The following CDH11 variants were observed in gnomAD, a reference collection of about 807,000 sequenced individuals.
The protein encoded by CDH11 is cadherin 11, also known as cadherin-11.
CDH11 carries 11 observed loss-of-function variants against 67.8 expected under a neutral mutation model. The ratio of observed to expected loss-of-function variants is 0.16; its 90% confidence interval spans 0.10 to 0.27. CDH11 has a LOEUF of 0.27. CDH11 is among the 10% of genes least tolerant of loss of function. The probability of loss-of-function intolerance (pLI) is 1.00; values close to 1 mark genes in which losing one functional copy is unlikely to be tolerated. For synonymous variants in CDH11, 419 were observed against 400.0 expected (o/e 1.05, Z -0.57); for missense variants, 847 against 1,031.2 (o/e 0.82, Z 2.45).
intron 2 of CDH11, among the ~76,000 whole-genome samples, chr16:65,032,190 G>T (rs975912827): frequency 2.0e-5 from 3 of 151,850 alleles, no homozygotes; most frequent in African/African-American, 7.3e-5. Context: ...TCCTAAACTG[G>T]CAAACAAAAG....
At chr16:65,103,029 C>G (rs2075018098) in intron 1 of CDH11, among the ~76,000 whole-genome samples, 2 of 152,212 alleles carry the variant, frequency 1.3e-5, no homozygotes, top group African/African-American at 4.8e-5. Context: ...TCTTGTCACT[C>G]TCCACCCAGT....
intron 2 of CDH11, among the ~76,000 whole-genome samples, chr16:65,033,769 G>A (rs372575804): frequency 3.9e-5 from 1 of 25,762 alleles, no homozygotes; most frequent in Non-Finnish European, 1.1e-4. Context: ...AAATAAAATA[G>A]TTTAGCACCA....
intron 1 of CDH11, among the ~76,000 whole-genome samples, chr16:65,074,602 T>C (rs1220740345): frequency 1.3e-5 from 2 of 152,186 alleles, no homozygotes; most frequent in African/African-American, 2.4e-5. Context: ...CAAGTTCCTA[T>C]GGATGTACCC....
intron 11 of CDH11, 45 bp downstream of exon 11, chr16:64,971,534 T>G (rs1250874862): frequency 8.8e-7 from 1 of 1,141,462 alleles, no homozygotes; most frequent in Non-Finnish European, 1.3e-6. Flanking sequence ...CGCCATTTGT[T>G]TTCCAGTTCT....
At chr16:65,120,912 A>AG (rs938787397) in intron 1 of CDH11, among the ~76,000 whole-genome samples, 4 of 151,916 alleles carry the variant, frequency 2.6e-5, no homozygotes, top group African/African-American at 7.3e-5. Context: ...TGGGTTGGGG[A>AG]GGGGGGAGAA....
intron 11 of CDH11, among the ~76,000 whole-genome samples, chr16:64,963,760 A>C (rs1325617839): frequency 1.3e-5 from 2 of 152,218 alleles, no homozygotes; most frequent in African/African-American, 4.8e-5. Flanking sequence ...AATTACATCC[A>C]CCTTCTCAGA....
intron 1 of CDH11, among the ~76,000 whole-genome samples, chr16:65,076,604 G>A (rs1012754307): frequency 1.3e-5 from 2 of 152,008 alleles, no homozygotes; most frequent in Admixed American, 6.5e-5. Flanking sequence ...AGGTATACAC[G>A]TGCCATGGTG....
intron 1 of CDH11, among the ~76,000 whole-genome samples, chr16:65,063,221 C>T (rs1269361176): frequency 1.3e-5 from 2 of 152,050 alleles, no homozygotes; most frequent in Non-Finnish European, 2.9e-5. Flanking sequence ...TGTGACTGCA[C>T]ACACACACAC....
intron 2 of CDH11, among the ~76,000 whole-genome samples, chr16:65,028,433 C>G (rs1287788684): frequency 2.0e-5 from 2 of 99,084 alleles, no homozygotes; most frequent in Non-Finnish European, 4.5e-5. Flanking sequence ...TGACACAGAT[C>G]AAGGACCTTG....
chr16:64,993,122 C>T, intron 4 of CDH11, 88 bp from the exon 5 acceptor site: 1 of 1,088,398 alleles, frequency 9.2e-7, no homozygotes, highest in Non-Finnish European at 1.4e-6. Flanking sequence ...AAAATTAACC[C>T]TGAAGAAGGC....
intron 2 of CDH11, among the ~76,000 whole-genome samples, chr16:65,019,090 C>G (rs1401851101): frequency 6.6e-6 from 1 of 151,982 alleles, no homozygotes; most frequent in East Asian, 1.9e-4. Flanking sequence ...CAAATAAAAC[C>G]CAAAGAAAGC....
In CDH11 at chr16:64,946,122, C is replaced by A. The variant is rs770226686; in HGVS notation, c.*1481G>T. On this transcript the variant is annotated 3_prime_UTR_variant, in exon 13 of 13. Transcript: ENST00000268603. ...GGTCCCTGCCCTCATTCTGAGCTTA[C>A]GGCCCCAAGCATATTCTAAACAAAG... 4.7e-5 allele frequency: 50 copies of A among 1,055,466 alleles called. No homozygotes were observed. The highest frequency in any genetic ancestry group is 4.2e-4 in the Middle Eastern group (1 of 2,378). The allele number at this position is 1,055,466 out of a possible 1,614,324, so 65.4% of individuals were successfully genotyped here. A position where few individuals can be genotyped will look rare whatever the true frequency, so the allele number is the denominator to read the frequency against.
chr16:65,011,849 A>C (rs985152514), intron 2 of CDH11, among the ~76,000 whole-genome samples: 1 of 152,196 alleles, frequency 6.6e-6, no homozygotes, highest in African/African-American at 2.4e-5. Flanking sequence ...CAAAGTGGTG[A>C]TGATAAACTG....
chr16:64,950,760 C>T lies in CDH11; in HGVS notation c.1894+7G>A, dbSNP rs777694874. 32 of 1,612,768 alleles carry T rather than the reference C, an allele frequency of 2.0e-5. No homozygotes were observed. In the South Asian group the frequency reaches 3.5e-4, roughly 18 times the overall value. The stretch of plus-strand genomic sequence containing the variant: ...CCTTCCTGCAGGGGACCAGGAAGCG[C>T]CCTTACCCAGGAGAATGACGATGCA... On this transcript the variant is annotated splice_region_variant and intron_variant, in intron 12 of 12. Transcript: ENST00000268603.
chr16:65,076,391 C>A (rs1183874342), intron 1 of CDH11, among the ~76,000 whole-genome samples: 5 of 152,166 alleles, frequency 3.3e-5, no homozygotes, highest in Non-Finnish European at 7.3e-5. Context: ...CTCCCTCAGG[C>A]TCACTGAGCT....
intron 1 of CDH11, among the ~76,000 whole-genome samples, chr16:65,071,495 C>T (rs1326427680): frequency 2.0e-5 from 3 of 152,120 alleles, no homozygotes; most frequent in Non-Finnish European, 2.9e-5. Flanking sequence ...TAAGGGGTTA[C>T]GTAGTGGCTC....
chr16:64,971,831 C>G, intron 10 of CDH11, 100 bp downstream of exon 10: 2 of 1,457,048 alleles, frequency 1.4e-6, no homozygotes, highest in African/African-American at 1.4e-5. Context: ...GCTCTGAAAC[C>G]TTTTTGGGCA....
chr16:65,062,110 T>C (rs952220609), intron 1 of CDH11, among the ~76,000 whole-genome samples: 7 of 152,116 alleles, frequency 4.6e-5, no homozygotes, highest in Non-Finnish European at 8.8e-5. Context: ...TCCAATGATT[T>C]AAAAGAAACA....
intron 1 of CDH11, among the ~76,000 whole-genome samples, chr16:65,108,082 C>T (rs889700896): frequency 6.6e-6 from 1 of 152,116 alleles, no homozygotes; most frequent in African/African-American, 2.4e-5. Context: ...AAGAAAAGGA[C>T]ACTAGGCACG....
Sources: allele counts gnomAD v4.1 joint callset (sites outside exome capture counted in the v4.1 genomes callset), GRCh38; gene constraint gnomAD v4.1.1; transcripts MANE v1.5; gene names NCBI Gene and HGNC (gene_info 2026-07-23, HGNC 2026-07-21).